XYLB: variants seen among roughly 807,000 people sequenced by gnomAD.
The protein encoded by XYLB is xylulose kinase.
XYLB carries 62 observed loss-of-function variants against 78.7 expected under a neutral mutation model. That is an observed-to-expected ratio of 0.79 (90% CI 0.64 to 0.97). XYLB has a LOEUF of 0.97. Among genes scored for constraint, XYLB ranks in the 50% least tolerant of loss-of-function variants. The pLI, the probability that XYLB is intolerant of heterozygous loss-of-function variation, is 0.00. For synonymous variants in XYLB, 245 were observed against 247.4 expected (o/e 0.99, Z 0.09); for missense variants, 687 against 676.8 (o/e 1.02, Z -0.17).
intron 17 of XYLB, among the ~76,000 whole-genome samples, chr3:38,397,593 C>T (rs1258769235): frequency 6.6e-6 from 1 of 152,020 alleles, no homozygotes; most frequent in Non-Finnish European, 1.5e-5. Flanking sequence ...CACCATGGAG[C>T]CCTGTTGCCC....
At chr3:38,394,075 T>A (rs1373428031) in intron 15 of XYLB, among the ~76,000 whole-genome samples, 1 of 152,182 alleles carries the variant, frequency 6.6e-6, no homozygotes, top group African/African-American at 2.4e-5. Flanking sequence ...CCAGCTGGAA[T>A]TTTTATTTAG....
rs567689759 is a variant in XYLB, at chr3:38,361,690, G to A, written c.211-1247G>A. Reference sequence around the variant, plus strand: ...GGTGAGAACCAGGCTTGGGGGCAGGGCCAAGGTGATTTCTGATCTGACGCA... The same window carrying A: ...GGTGAGAACCAGGCTTGGGGGCAGGACCAAGGTGATTTCTGATCTGACGCA... On this transcript the variant is annotated intron_variant, in intron 3 of 18. Coordinates refer to ENST00000207870, the MANE Select transcript of XYLB (RefSeq NM_005108.4). Among the ~76,000 whole-genome samples the A allele has an allele frequency of 7.2e-5, 11 of 152,264 alleles. No homozygotes were observed. In the South Asian group the frequency reaches 2.3e-3, roughly 32 times the overall value.
intron 2 of XYLB, among the ~76,000 whole-genome samples, chr3:38,357,798 G>T (rs1397414799): frequency 2.0e-5 from 3 of 152,096 alleles, no homozygotes; most frequent in African/African-American, 7.2e-5. Context: ...TAATAATGAT[G>T]TTGAGTATCT....
At chr3:38,442,150 G>T in the XYLB span, among the ~76,000 whole-genome samples, 2 of 152,148 alleles carry the variant, frequency 1.3e-5, no homozygotes, top group African/African-American at 4.8e-5. Flanking sequence ...GCCAGTATAG[G>T]CTGTATTCAT....
chr3:38,375,366 C>T (rs564728969), intron 12 of XYLB, 107 bp downstream of exon 12: 31 of 953,386 alleles, frequency 3.3e-5, no homozygotes, highest in Non-Finnish European at 3.4e-5. Context: ...GGAATGACTC[C>T]CTCCACTTTC....
At chr3:38,390,042 A>G (rs912833293) in intron 15 of XYLB, among the ~76,000 whole-genome samples, 2 of 152,014 alleles carry the variant, frequency 1.3e-5, no homozygotes, top group Non-Finnish European at 2.9e-5. Flanking sequence ...TGAATTTACA[A>G]TTTTTTGATA....
At chr3:38,388,002 G>A (rs901671551) in intron 15 of XYLB, among the ~76,000 whole-genome samples, 2 of 151,918 alleles carry the variant, frequency 1.3e-5, no homozygotes, top group African/African-American at 2.4e-5. Context: ...AATGCTGTAC[G>A]TTGTGTTTAA....
At chr3:38,365,372 G>A in intron 5 of XYLB, 87 bp downstream of exon 5, 1 of 1,479,924 alleles carries the variant, frequency 6.8e-7, no homozygotes, top group Middle Eastern at 2.1e-4. Flanking sequence ...TCTCAGTGTT[G>A]CAGCTGTGCT....
At chr3:38,382,816 A>G (rs1249832204) in intron 15 of XYLB, among the ~76,000 whole-genome samples, 2 of 152,246 alleles carry the variant, frequency 1.3e-5, no homozygotes, top group Admixed American at 1.3e-4. Context: ...CCAGCCTCTA[A>G]GGCATTTCTT....
At chr3:38,399,488 C>T (rs1185694556) in intron 17 of XYLB, among the ~76,000 whole-genome samples, 4 of 152,118 alleles carry the variant, frequency 2.6e-5, no homozygotes, top group Admixed American at 6.5e-5. Context: ...GGTTTTGAGG[C>T]CTGACATGTC....
intron 8 of XYLB, among the ~76,000 whole-genome samples, chr3:38,369,703 C>A (rs77927699): frequency 0.022 from 3,410 of 152,266 alleles, 114 homozygotes; most frequent in African/African-American, 0.074. Flanking sequence ...ATTGAGAAAT[C>A]CCTGGGAGCT....
In XYLB at chr3:38,376,991, G is replaced by C; in HGVS notation, c.1194G>C (p.Lys398Asn). The C allele has an allele frequency of 6.2e-7, 1 of 1,613,490 alleles. No individual in the cohort carries two copies. The highest frequency in any genetic ancestry group is 8.5e-7 in the Non-Finnish European group (1 of 1,179,468). Residue 398 changes from lysine (K) to asparagine (N), a missense_variant and splice_region_variant, in exon 14 of 19, where the codon AAG (lysine) becomes AAC (asparagine). Lys to Asn is a moderately conservative substitution (Grantham distance 94). Coordinates refer to ENST00000207870, the MANE Select transcript of XYLB (RefSeq NM_005108.4). The stretch of plus-strand genomic sequence containing the variant: ...ATAGGTTTAACACAGAAAACCACAA[G>C]GTACATGTGCTGTTGGTGTTGGAGT... ...GRHRFNTENH[K>N]VAAFPGDVEV... is the part of the protein sequence containing the mutation.
At chr3:38,423,072 T>G (rs1709029007), downstream of XYLB, among the ~76,000 whole-genome samples, 1 of 152,034 alleles carries the variant, frequency 6.6e-6, no homozygotes, top group Non-Finnish European at 1.5e-5. Context: ...TCTTTGTTAT[T>G]ATTATTATTA....
At chr3:38,437,005 A>AAAT in the XYLB span, among the ~76,000 whole-genome samples, 33,788 of 134,464 alleles carry the variant, frequency 0.25, 4,264 homozygotes, top group Admixed American at 0.29. Context: ...CTCCTTCTAA[A>AAAT]AATAATAATA....
At chr3:38,442,595 G>C in the XYLB span, among the ~76,000 whole-genome samples, 1 of 152,164 alleles carries the variant, frequency 6.6e-6, no homozygotes, top group African/African-American at 2.4e-5. Context: ...GCAGGATATA[G>C]GGGTTGGGTA....
At chr3:38,386,234 C>T (rs1030539821) in intron 15 of XYLB, among the ~76,000 whole-genome samples, 2 of 152,108 alleles carry the variant, frequency 1.3e-5, no homozygotes, top group African/African-American at 2.4e-5. Context: ...GTCTCTGTGT[C>T]GTCTCTCCAG....
the XYLB span, among the ~76,000 whole-genome samples, chr3:38,430,563 A>G: frequency 6.6e-6 from 1 of 152,110 alleles, no homozygotes; most frequent in East Asian, 1.9e-4. Flanking sequence ...GTTTAATTAG[A>G]TCCCAAATGT....
chr3:38,435,321 C>T, the XYLB span, among the ~76,000 whole-genome samples: 1 of 150,590 alleles, frequency 6.6e-6, no homozygotes, highest in Non-Finnish European at 1.5e-5. Flanking sequence ...TAAGTCAAGA[C>T]CAGTAACACA....
the XYLB span, among the ~76,000 whole-genome samples, chr3:38,434,652 C>G: frequency 6.6e-6 from 1 of 152,064 alleles, no homozygotes; most frequent in African/African-American, 2.4e-5. Context: ...AGCAATCACA[C>G]AAAGGAGGAA....
Sources: allele counts gnomAD v4.1 joint callset (sites outside exome capture counted in the v4.1 genomes callset), GRCh38; gene constraint gnomAD v4.1.1; transcripts MANE v1.5; gene names NCBI Gene and HGNC (gene_info 2026-07-23, HGNC 2026-07-21).